CDK6: variants seen among roughly 807,000 people sequenced by gnomAD.
The protein encoded by CDK6 is cyclin-dependent kinase 6.
In CDK6, 6 loss-of-function variants were observed where a neutral mutation model predicts 37.1. The ratio of observed to expected loss-of-function variants is 0.16; its 90% CI spans 0.09 to 0.32. The LOEUF is 0.32. CDK6 is among the 10% of genes least tolerant of loss of function. The probability of loss-of-function intolerance (pLI) is 1.00; values close to 1 mark genes in which losing one functional copy is unlikely to be tolerated. For missense variants in CDK6, 224 were observed against 418.9 expected, an observed-to-expected ratio of 0.53 and a Z score of 4.06; for synonymous variants, 160 against 161.3, an observed-to-expected ratio of 0.99 and a Z score of 0.06.
intron 2 of CDK6, among the ~76,000 whole-genome samples, chr7:92,822,155 CA>C (rs1178356465): frequency 6.6e-6 from 1 of 151,998 alleles, no homozygotes; most frequent in African/African-American, 2.4e-5. Context: ...AAACTTCCAT[CA>C]AAACATGTAA....
chr7:92,730,361 T>C (rs1188909216), intron 3 of CDK6, among the ~76,000 whole-genome samples: 1 of 152,254 alleles, frequency 6.6e-6, no homozygotes, highest in East Asian at 1.9e-4. Context: ...GTGGTTTGTC[T>C]GTTTCCTATG....
At chr7:92,621,530 C>T (rs573799024) in intron 6 of CDK6, among the ~76,000 whole-genome samples, 6 of 152,322 alleles carry the variant, frequency 3.9e-5, no homozygotes, top group Non-Finnish European at 8.8e-5. Context: ...AAGGTGATGG[C>T]TTTCAAGTCC....
chr7:92,698,881 AATTT>A (rs1219389518), intron 4 of CDK6, among the ~76,000 whole-genome samples: 1 of 152,118 alleles, frequency 6.6e-6, no homozygotes, highest in African/African-American at 2.4e-5. Flanking sequence ...TCATGTAATT[AATTT>A]ATTTTTTTCT....
intron 2 of CDK6, among the ~76,000 whole-genome samples, chr7:92,784,240 G>A (rs1477226254): frequency 1.3e-5 from 2 of 152,112 alleles, no homozygotes; most frequent in Non-Finnish European, 2.9e-5. Flanking sequence ...AAAGACAAGA[G>A]AAAGATAACA....
intron 4 of CDK6, among the ~76,000 whole-genome samples, chr7:92,710,224 C>A (rs984364004): frequency 3.9e-5 from 6 of 152,062 alleles, no homozygotes; most frequent in African/African-American, 1.2e-4. Flanking sequence ...TGGGTAGGTA[C>A]GGGATTCAAT....
At chr7:92,806,658 C>T (rs1037517954) in intron 2 of CDK6, among the ~76,000 whole-genome samples, 5 of 152,134 alleles carry the variant, frequency 3.3e-5, no homozygotes, top group African/African-American at 7.2e-5. Flanking sequence ...CACAGGATAT[C>T]GTGTATATTA....
At chr7:92,724,203 C>T (rs1219866586) in intron 4 of CDK6, among the ~76,000 whole-genome samples, 5 of 152,228 alleles carry the variant, frequency 3.3e-5, no homozygotes, top group Admixed American at 3.3e-4. Context: ...AATACACAGA[C>T]TCAGCCCTTT....
chr7:92,659,076 A>G (rs1796774916), intron 5 of CDK6, among the ~76,000 whole-genome samples: 1 of 152,262 alleles, frequency 6.6e-6, no homozygotes, highest in Non-Finnish European at 1.5e-5. Flanking sequence ...CAACCAGAAA[A>G]GAAGACAATG....
At chr7:92,773,097 T>C (rs1799757569) in intron 3 of CDK6, among the ~76,000 whole-genome samples, 1 of 152,210 alleles carries the variant, frequency 6.6e-6, no homozygotes, top group Admixed American at 6.5e-5. Context: ...AGCTTGACAA[T>C]GTGTCTTATT....
At position 92,642,162 on chromosome 7, in the gene CDK6, C is replaced by G. The variant is rs545813035; in HGVS notation, c.648-19076G>C. Among the ~76,000 whole-genome samples, 125 of 152,252 alleles carry G rather than the reference C, an allele frequency of 8.2e-4. 1 individual carries two copies. Among genetic ancestry groups the G allele is most frequent in the Non-Finnish European group, 1.6e-3 (106 of 68,012 alleles). On this transcript the variant is annotated intron_variant, in intron 5 of 7. Coordinates refer to ENST00000424848, the MANE Select transcript of CDK6 (RefSeq NM_001145306.2). The stretch of plus-strand genomic sequence containing the variant: ...ACAAGGGAAGACCAAGTAGGAGCCC[C>G]CAACTCCTCCTTGTGGAGGAGTCAG...
Position 92,605,000 on chromosome 7 carries a change from C to T in CDK6, c.*10140G>A, listed in dbSNP as rs1231343580. 9.0e-6 allele frequency: 2 copies of T among 222,316 alleles called. No homozygotes were observed. The highest frequency in any genetic ancestry group is 1.2e-4 in the Admixed American group (2 of 17,306). 13.8% of individuals were successfully genotyped at this position (222,316 alleles called of 1,614,324 possible). On this transcript the variant is annotated 3_prime_UTR_variant, in exon 8 of 8. Transcript: ENST00000424848. ...TACATTAAAGTAAAAAAGAAAATAG[C>T]CAGGAGAGTAATTCATCTCCAGAAA... is the stretch of plus-strand genomic sequence containing the variant.
At chr7:92,731,568 A>G (rs1256981204) in intron 3 of CDK6, among the ~76,000 whole-genome samples, 1 of 152,192 alleles carries the variant, frequency 6.6e-6, no homozygotes, top group Non-Finnish European at 1.5e-5. Flanking sequence ...CCTAAATGGA[A>G]ACACTGGCTT....
rs1333678731 is a variant in CDK6 at position 92,613,462 on chromosome 7, G to A, written c.*1678C>T. Reference sequence around the variant, plus strand: ...CTTTCTGTGTCCTCTGGTTACTAGAGCCAACTGAGCACTAAACCACTTATA... The same window carrying A: ...CTTTCTGTGTCCTCTGGTTACTAGAACCAACTGAGCACTAAACCACTTATA... On this transcript the variant is annotated 3_prime_UTR_variant, in exon 8 of 8. Transcript: ENST00000424848. 4 of 233,582 alleles carry A rather than the reference G, an allele frequency of 1.7e-5. No homozygotes were observed. Among genetic ancestry groups the A allele is most frequent in the Non-Finnish European group, 2.5e-5 (3 of 118,056 alleles). The allele number at this position is 233,582 out of a possible 1,614,324, so 14.5% of individuals were successfully genotyped here. A position where few individuals can be genotyped will look rare whatever the true frequency, so the allele number is the denominator to read the frequency against.
chr7:92,722,283 A>G (rs563749141), intron 4 of CDK6, among the ~76,000 whole-genome samples: 3 of 152,318 alleles, frequency 2.0e-5, no homozygotes, highest in Non-Finnish European at 4.4e-5. Context: ...ACTTGCTTTA[A>G]TAACAAAACA....
In CDK6 at chr7:92,610,506, G is replaced by C. The variant is rs1275889445; in HGVS notation, c.*4634C>G. On this transcript the variant is annotated 3_prime_UTR_variant, in exon 8 of 8. Transcript: ENST00000424848. ...TGTTGCTTACAAAGGTCAGAAGATA[G>C]AGAGACCAAAGGATTATTTTTGGTT... 1 of 230,348 alleles carries C rather than the reference G, an allele frequency of 4.3e-6. No homozygotes were observed. Among genetic ancestry groups the C allele is most frequent in the Non-Finnish European group, 8.6e-6 (1 of 116,362 alleles). 14.3% of individuals were successfully genotyped at this position (230,348 alleles called of 1,614,324 possible).
intron 4 of CDK6, among the ~76,000 whole-genome samples, chr7:92,700,273 G>C (rs112136501): frequency 0.035 from 5,333 of 152,268 alleles, 295 homozygotes; most frequent in African/African-American, 0.12. Context: ...GTGTATGTCA[G>C]ATATGCATTA....
chr7:92,817,066 A>G (rs1260539504), intron 2 of CDK6, among the ~76,000 whole-genome samples: 1 of 152,036 alleles, frequency 6.6e-6, no homozygotes, highest in Non-Finnish European at 1.5e-5. Flanking sequence ...CTACTCAAAA[A>G]TAAATGCTAG....
intron 4 of CDK6, among the ~76,000 whole-genome samples, chr7:92,722,854 T>C (rs1407426959): frequency 6.6e-6 from 1 of 152,162 alleles, no homozygotes; most frequent in Non-Finnish European, 1.5e-5. Context: ...TATGGCCTGA[T>C]AAATAAAATT....
At chr7:92,774,926 A>G in intron 2 of CDK6, 95 bp from the exon 3 acceptor site, 2 of 1,119,284 alleles carry the variant, frequency 1.8e-6, no homozygotes, top group South Asian at 1.5e-5. Context: ...CTCATAATAG[A>G]AAAAAAAGGC....
Sources: allele counts gnomAD v4.1 joint callset (sites outside exome capture counted in the v4.1 genomes callset), GRCh38; gene constraint gnomAD v4.1.1; transcripts MANE v1.5; gene names NCBI Gene and HGNC (gene_info 2026-07-23, HGNC 2026-07-21).